The following DGKK variants were observed in gnomAD, a reference collection of about 807,000 sequenced individuals.
DGKK encodes 142 kDa diacylglycerol kinase.
A neutral mutation model predicts 92.2 loss-of-function variants in DGKK; 35 were observed. That is an observed-to-expected ratio of 0.38 (90% CI 0.29 to 0.50). The LOEUF is 0.50. DGKK is among the 20% of genes least tolerant of loss of function. The pLI is 0.92. For synonymous variants in DGKK, 368 were observed against 360.6 expected (o/e 1.02, Z -0.23); for missense variants, 910 against 992.2 (o/e 0.92, Z 1.11).
chrX:50,403,331 T>C (rs902298371), intron 6 of DGKK, 148 bp from the exon 7 acceptor site: 29 of 887,363 alleles, frequency 3.3e-5, no homozygotes, highest in Non-Finnish European at 4.4e-5. Context: ...AAGTGAACAA[T>C]GACAAGTGGA....
At chrX:50,416,837 A>G (rs2147134612) in intron 4 of DGKK, among the ~76,000 whole-genome samples, 1 of 111,419 alleles carries the variant, frequency 9.0e-6, no homozygotes, top group South Asian at 3.8e-4. Flanking sequence ...TTGTTGATCT[A>G]TACGATTCAG....
chrX:50,400,929 A>C (rs1924984934), intron 8 of DGKK, 108 bp downstream of exon 8: 5 of 734,568 alleles, frequency 6.8e-6, no homozygotes, highest in Non-Finnish European at 1.0e-5. Flanking sequence ...ACTTCCCCAA[A>C]ATGTTTGACT....
In DGKK at chrX:50,378,685, C is replaced by T; in HGVS notation, c.2869G>A (p.Glu957Lys). 1.7e-6 allele frequency: 2 copies of T among 1,196,004 alleles called. No homozygotes were observed. The highest frequency in any genetic ancestry group is 3.0e-5 in the East Asian group (1 of 33,465). ...WGSNTATTEY[E>K]APAIDDGKLE... ...TTCCCATCATCGATTGCAGGAGCCTCATATTCCTGAGGAGGAAGAACTGTG... is the reference window on the plus strand; with the variant it reads ...TTCCCATCATCGATTGCAGGAGCCTTATATTCCTGAGGAGGAAGAACTGTG... The change falls in exon 21 of 28, where the codon GAG (glutamate) becomes AAG (lysine). Residue 957 changes from glutamate to lysine, a missense_variant. Coordinates refer to ENST00000611977, the MANE Select transcript of DGKK (RefSeq NM_001013742.4).
At chrX:50,442,579 T>C (rs1277605819) in intron 1 of DGKK, among the ~76,000 whole-genome samples, 1 of 111,372 alleles carries the variant, frequency 9.0e-6, no homozygotes, top group Non-Finnish European at 1.9e-5. Flanking sequence ...AGTAGATCTG[T>C]GTGGGTTGTG....
chrX:50,373,174 C>A (rs936621592), intron 25 of DGKK, among the ~76,000 whole-genome samples: 4 of 112,344 alleles, frequency 3.6e-5, no homozygotes, highest in Non-Finnish European at 7.5e-5. Context: ...GGATTCACTT[C>A]GTCATCAATT....
chrX:50,468,847 T>G (rs782181313), intron 1 of DGKK, among the ~76,000 whole-genome samples: 1 of 101,025 alleles, frequency 9.9e-6, no homozygotes, highest in South Asian at 4.4e-4. Context: ...TCGTGTGTTG[T>G]GTTATTCGTT....
intron 3 of DGKK, among the ~76,000 whole-genome samples, chrX:50,421,038 A>G (rs1179104183): frequency 8.9e-6 from 1 of 111,960 alleles, no homozygotes; most frequent in Non-Finnish European, 1.9e-5. Context: ...GTAAAATTGT[A>G]TGTGGTTCAT....
chrX:50,387,102 C>T (rs1924565786), intron 14 of DGKK, among the ~76,000 whole-genome samples: 1 of 111,377 alleles, frequency 9.0e-6, no homozygotes, highest in African/African-American at 3.3e-5. Flanking sequence ...CCGCTTTGTG[C>T]CTCCATATTC....
intron 8 of DGKK, among the ~76,000 whole-genome samples, chrX:50,395,664 C>T (rs1411847215): frequency 8.1e-5 from 9 of 110,718 alleles, no homozygotes; most frequent in Non-Finnish European, 1.5e-4. Context: ...GAAAATGGAC[C>T]TTTAAAAGCC....
chrX:50,440,986 C>T (rs1281568961), intron 1 of DGKK, among the ~76,000 whole-genome samples: 4 of 111,568 alleles, frequency 3.6e-5, no homozygotes, highest in African/African-American at 1.3e-4. Context: ...TGCCTTCAAT[C>T]CTCATGGCTT....
At chrX:50,428,636 C>G (rs782205244) in intron 1 of DGKK, among the ~76,000 whole-genome samples, 5 of 111,826 alleles carry the variant, frequency 4.5e-5, no homozygotes, top group Non-Finnish European at 5.6e-5. Context: ...GGCAAGGGCT[C>G]TCCCTTCAAT....
At chrX:50,399,425 C>T (rs782354098) in intron 8 of DGKK, among the ~76,000 whole-genome samples, 1 of 112,241 alleles carries the variant, frequency 8.9e-6, no homozygotes, top group Admixed American at 9.4e-5. Flanking sequence ...CTGGCTCTTC[C>T]CTGGCAGTGA....
rs1448109424 is a variant in DGKK at position 50,410,285 on chromosome X, A to G, written c.943-6101T>C. ...AAGGAGAGCTGTAGAGAAAGCTTCT[A>G]TCTTCTTAGAGTATACCTGAGCAAT... is the stretch of plus-strand genomic sequence containing the variant. On this transcript the variant is annotated intron_variant, in intron 4 of 27. Transcript: ENST00000611977. Among the ~76,000 whole-genome samples, 3 of 112,146 alleles carry G rather than the reference A, an allele frequency of 2.7e-5. No homozygotes were observed. The East Asian group carries it at 8.4e-4, about 31-fold the overall frequency.
rs1424438427 is a variant in DGKK, at chrX:50,410,804, G to A, written c.943-6620C>T. Among the ~76,000 whole-genome samples the A allele has an allele frequency of 8.9e-5, 10 of 111,913 alleles. 1 individual carries two copies. Among genetic ancestry groups the A allele is most frequent in the Admixed American group, 7.6e-4 (8 of 10,556 alleles). Reference sequence around the variant, plus strand: ...GTTATGGTTTCTAAGTGGGAAAAGAGAGTTGAAGGCAGATATTCAACTTCC... The same window carrying A: ...GTTATGGTTTCTAAGTGGGAAAAGAAAGTTGAAGGCAGATATTCAACTTCC... On this transcript the variant is annotated intron_variant, in intron 4 of 27. Transcript: ENST00000611977.
intron 15 of DGKK, among the ~76,000 whole-genome samples, chrX:50,386,054 A>T (rs1924536021): frequency 9.0e-6 from 1 of 111,716 alleles, no homozygotes; most frequent in Non-Finnish European, 1.9e-5. Flanking sequence ...GGAAGCTGAT[A>T]GAGCTTTGAA....
At chrX:50,468,742 C>T (rs7876567) in intron 1 of DGKK, among the ~76,000 whole-genome samples, 44,121 of 109,449 alleles carry the variant, frequency 0.4, 7,355 homozygotes, top group African/African-American at 0.61. Flanking sequence ...CCTCCCCTCC[C>T]GCATTCTACA....
intron 4 of DGKK, 150 bp from the exon 5 acceptor site, chrX:50,404,334 T>C: frequency 1.7e-6 from 1 of 581,354 alleles, no homozygotes; most frequent in East Asian, 4.1e-5. Flanking sequence ...AGCCAATACC[T>C]GGGACCTGGG....
intron 1 of DGKK, among the ~76,000 whole-genome samples, chrX:50,463,663 C>T (rs1035897855): frequency 3.7e-5 from 4 of 108,638 alleles, no homozygotes; most frequent in Non-Finnish European, 5.7e-5. Context: ...CTCCCTCTCT[C>T]CTTCTCTTTG....
intron 4 of DGKK, among the ~76,000 whole-genome samples, chrX:50,417,586 A>T (rs1245546872): frequency 3.6e-5 from 4 of 110,632 alleles, no homozygotes; most frequent in Non-Finnish European, 5.7e-5. Flanking sequence ...CACACCTTTC[A>T]TCTGTCTGTG....
Sources: gnomAD v4.1 joint callset for allele counts (sites outside exome capture counted in the v4.1 genomes callset) on GRCh38, gnomAD v4.1.1 for gene constraint, MANE v1.5 for transcripts, NCBI Gene and HGNC (gene_info 2026-07-23, HGNC 2026-07-21) for gene names.